SYNDIG1L: variants seen among roughly 807,000 people sequenced by gnomAD.
SYNDIG1L encodes the protein synapse differentiation-inducing gene protein 1-like.
In SYNDIG1L, 13 loss-of-function variants were observed where a neutral mutation model predicts 20.1. The observed-to-expected ratio is 0.65, with a 90% CI of 0.42 to 1.03. The LOEUF (loss-of-function observed/expected upper bound fraction) is 1.03. Among genes scored for constraint, SYNDIG1L ranks in the 50% least tolerant of loss-of-function variants. The pLI, the probability that SYNDIG1L is intolerant of heterozygous loss-of-function variation, is 0.00. For missense variants in SYNDIG1L, 294 were observed against 305.1 expected, an observed-to-expected ratio of 0.96 and a Z score of 0.27; for synonymous variants, 128 against 129.3, an observed-to-expected ratio of 0.99 and a Z score of 0.07.
the SYNDIG1L span, among the ~76,000 whole-genome samples, chr14:74,471,501 G>A: frequency 6.6e-6 from 1 of 152,086 alleles, no homozygotes; most frequent in Non-Finnish European, 1.5e-5. Context: ...GGGGGACTGA[G>A]GCTGGAGGAT....
At chr14:74,480,059 T>C in the SYNDIG1L span, 22 of 1,518,202 alleles carry the variant, frequency 1.4e-5, no homozygotes, top group African/African-American at 2.8e-4. Flanking sequence ...AAGTGCTGCA[T>C]TTAATGAAAC....
At chr14:74,451,316 G>T in the SYNDIG1L span, among the ~76,000 whole-genome samples, 1 of 152,152 alleles carries the variant, frequency 6.6e-6, no homozygotes, top group Admixed American at 6.5e-5. Flanking sequence ...AGTGGAGAAA[G>T]AATAGCCTTT....
At chr14:74,422,446 C>G (rs1443784415) in intron 1 of SYNDIG1L, among the ~76,000 whole-genome samples, 1 of 152,106 alleles carries the variant, frequency 6.6e-6, no homozygotes, top group African/African-American at 2.4e-5. Flanking sequence ...TTCTCCCAGG[C>G]TGAAGGCTGT....
intron 1 of SYNDIG1L, among the ~76,000 whole-genome samples, chr14:74,425,347 T>A (rs936547414): frequency 2.0e-5 from 3 of 152,166 alleles, no homozygotes; most frequent in Admixed American, 2.0e-4. Context: ...GGAAAAAAAA[T>A]TGAGGTATCT....
At chr14:74,443,576 T>C in the SYNDIG1L span, among the ~76,000 whole-genome samples, 7 of 152,246 alleles carry the variant, frequency 4.6e-5, no homozygotes, top group Admixed American at 2.0e-4. Context: ...ACACTTAGGA[T>C]GGTGCTTTAC....
chr14:74,412,028 A>C (rs1461260624), intron 1 of SYNDIG1L, among the ~76,000 whole-genome samples: 1 of 152,220 alleles, frequency 6.6e-6, no homozygotes, highest in Non-Finnish European at 1.5e-5. Flanking sequence ...GTCTCTCCAC[A>C]GGCAGAGATA....
chr14:74,407,156 ACCT>A lies in SYNDIG1L; in HGVS notation c.*376_*378del, dbSNP rs1451459739. On this transcript the variant is annotated 3_prime_UTR_variant, in exon 4 of 4. Transcript: ENST00000331628. ...CTGGGCACCCCCTTTTCTCCCTGTA[ACCT>A]CCTGCTCTTTCTCTGTGGGGAGGTT... is the stretch of plus-strand genomic sequence containing the variant. 4.6e-5 allele frequency: 12 copies of A among 261,804 alleles called. No homozygotes were observed. The highest frequency in any genetic ancestry group is 4.4e-5 in the Non-Finnish European group (6 of 135,982). 16.2% of individuals were successfully genotyped at this position (261,804 alleles called of 1,614,324 possible).
At chr14:74,451,938 C>T in the SYNDIG1L span, among the ~76,000 whole-genome samples, 5 of 144,248 alleles carry the variant, frequency 3.5e-5, no homozygotes, top group Admixed American at 2.2e-4. Flanking sequence ...TGCAGTGAGC[C>T]GAGACCATGC....
intron 1 of SYNDIG1L, among the ~76,000 whole-genome samples, chr14:74,414,866 T>C (rs1441568817): frequency 6.6e-6 from 1 of 151,670 alleles, no homozygotes; most frequent in Non-Finnish European, 1.5e-5. Context: ...AGAAAAGTGG[T>C]GTGTGGTGGG....
At chr14:74,473,629 T>C in the SYNDIG1L span, among the ~76,000 whole-genome samples, 1 of 152,190 alleles carries the variant, frequency 6.6e-6, no homozygotes, top group African/African-American at 2.4e-5. Context: ...ATTGCAGTGA[T>C]GGTTTGCTGC....
At chr14:74,410,849 A>C (rs1338366571) in intron 1 of SYNDIG1L, among the ~76,000 whole-genome samples, 1 of 152,018 alleles carries the variant, frequency 6.6e-6, no homozygotes, top group Non-Finnish European at 1.5e-5. Context: ...GCAAATTGGG[A>C]CTTTGAGAAG....
chr14:74,472,446 A>G, the SYNDIG1L span: 2 of 152,268 alleles, frequency 1.3e-5, no homozygotes, highest in Admixed American at 6.5e-5. Context: ...TTAATTAATT[A>G]TCTCAAAAAC....
the SYNDIG1L span, among the ~76,000 whole-genome samples, chr14:74,478,993 A>G: frequency 2.0e-5 from 3 of 152,176 alleles, no homozygotes; most frequent in Non-Finnish European, 4.4e-5. Context: ...ATTCAACCAT[A>G]GGCAGTCCGA....
the SYNDIG1L span, among the ~76,000 whole-genome samples, chr14:74,448,563 C>T: frequency 9.2e-5 from 14 of 152,084 alleles, no homozygotes; most frequent in Non-Finnish European, 1.9e-4. Flanking sequence ...TTTAATACAG[C>T]AACCTCTTCT....
At chr14:74,439,171 C>T in the SYNDIG1L span, among the ~76,000 whole-genome samples, 2 of 151,838 alleles carry the variant, frequency 1.3e-5, no homozygotes, top group African/African-American at 4.8e-5. Context: ...GTGTCTTTTC[C>T]CAGACTCCTC....
intron 1 of SYNDIG1L, among the ~76,000 whole-genome samples, chr14:74,425,486 C>A (rs1423682551): frequency 1.3e-5 from 2 of 152,226 alleles, no homozygotes; most frequent in Non-Finnish European, 2.9e-5. Context: ...GGTACCACAG[C>A]CACCTCAGTC....
chr14:74,470,251 T>G, the SYNDIG1L span, among the ~76,000 whole-genome samples: 1 of 152,166 alleles, frequency 6.6e-6, no homozygotes, highest in East Asian at 1.9e-4. Flanking sequence ...AGCCCTTTCC[T>G]GACATGGGTG....
chr14:74,435,203 C>T, the SYNDIG1L span, among the ~76,000 whole-genome samples: 9 of 151,658 alleles, frequency 5.9e-5, no homozygotes, highest in Admixed American at 3.3e-4. Flanking sequence ...AAGAGTACTT[C>T]TTTGGGCTGT....
chr14:74,479,032 C>A, the SYNDIG1L span, among the ~76,000 whole-genome samples: 4 of 152,150 alleles, frequency 2.6e-5, no homozygotes, highest in African/African-American at 9.7e-5. Context: ...CAGTTAACAG[C>A]CTCAGGAATT....
Sources: gnomAD v4.1 joint callset for allele counts (sites outside exome capture counted in the v4.1 genomes callset) on GRCh38, gnomAD v4.1.1 for gene constraint, MANE v1.5 for transcripts, NCBI Gene and HGNC (gene_info 2026-07-23, HGNC 2026-07-21) for gene names.